Variants in BMPER observed in about 807,000 individuals in gnomAD.
BMPER encodes BMP-binding endothelial regulator protein.
BMPER carries 45 observed loss-of-function variants against 87.3 expected under a neutral mutation model. That is an observed-to-expected ratio of 0.52 (90% CI 0.41 to 0.66). BMPER has a LOEUF of 0.66. Ranked by LOEUF, BMPER falls within the 30% of genes least tolerant of loss-of-function variation. The pLI is 0.00. For missense variants in BMPER, 784 were observed against 867.5 expected (o/e 0.90, Z 1.21); for synonymous variants, 326 against 316.2 (o/e 1.03, Z -0.33).
At position 34,104,263 on chromosome 7, in the gene BMPER, A is replaced by G. The variant is rs17169646; in HGVS notation, c.1745+18171A>G. ...TTATGCACTAATTCCATTTGGCCTT[A>G]GATATACTACCGTGATTCCTCTCTA... On this transcript the variant is annotated intron_variant, in intron 13 of 14. Transcript: ENST00000649409. Among the ~76,000 whole-genome samples, 490 of 152,232 alleles carry G rather than the reference A, an allele frequency of 3.2e-3. 2 individuals carry two copies. Among genetic ancestry groups the G allele is most frequent in the African/African-American group, 0.011 (467 of 41,538 alleles).
intron 3 of BMPER, among the ~76,000 whole-genome samples, chr7:33,949,069 G>A (rs977329681): frequency 1.3e-5 from 2 of 152,188 alleles, no homozygotes; most frequent in African/African-American, 4.8e-5. Context: ...GAGGCTTTTG[G>A]AGGTGACTGA....
At chr7:34,081,872 C>T (rs1198799734) in intron 12 of BMPER, among the ~76,000 whole-genome samples, 1 of 152,150 alleles carries the variant, frequency 6.6e-6, no homozygotes, top group Non-Finnish European at 1.5e-5. Context: ...TTTTGCACCT[C>T]CTCTCTCCTT....
At chr7:34,108,138 T>C (rs1789870992) in intron 13 of BMPER, among the ~76,000 whole-genome samples, 1 of 152,208 alleles carries the variant, frequency 6.6e-6, no homozygotes, top group Non-Finnish European at 1.5e-5. Context: ...TTAATACCAG[T>C]GAGAGGCCTG....
At chr7:34,146,270 C>A (rs973793671) in intron 14 of BMPER, among the ~76,000 whole-genome samples, 3 of 152,092 alleles carry the variant, frequency 2.0e-5, no homozygotes, top group African/African-American at 7.2e-5. Flanking sequence ...AAGGAGAAAT[C>A]TTCCAGAGCA....
intron 13 of BMPER, among the ~76,000 whole-genome samples, chr7:34,097,594 G>A (rs996970240): frequency 2.6e-5 from 4 of 152,148 alleles, no homozygotes; most frequent in Non-Finnish European, 5.9e-5. Context: ...ATCACCTACA[G>A]AGCTGATTCA....
intron 6 of BMPER, among the ~76,000 whole-genome samples, chr7:34,024,102 T>A (rs1787273851): frequency 6.6e-6 from 1 of 151,766 alleles, no homozygotes; most frequent in South Asian, 2.1e-4. Context: ...AATGGGTTTT[T>A]ATTTTTTCAG....
chr7:33,937,661 G>A (rs778840794), intron 3 of BMPER: 1 of 462,812 alleles, frequency 2.2e-6, no homozygotes, highest in Non-Finnish European at 4.0e-6. Context: ...TTGTTAAAAT[G>A]TCGTAGAGAA....
chr7:33,986,847 T>C (rs1786024421), intron 6 of BMPER, among the ~76,000 whole-genome samples: 1 of 152,206 alleles, frequency 6.6e-6, no homozygotes, highest in Admixed American at 6.5e-5. Context: ...GATCTTTTTG[T>C]CCATTATTAG....
chr7:33,988,101 A>G (rs1786062829), intron 6 of BMPER, among the ~76,000 whole-genome samples: 1 of 152,204 alleles, frequency 6.6e-6, no homozygotes, highest in African/African-American at 2.4e-5. Context: ...TCATACTGAT[A>G]TATATCTTAA....
chr7:34,013,346 A>G (rs1786932125), intron 6 of BMPER, among the ~76,000 whole-genome samples: 1 of 151,668 alleles, frequency 6.6e-6, no homozygotes. Context: ...TCTTGAATCT[A>G]TGGCTCCTCA....
chr7:34,029,984 T>A (rs1283704903), intron 6 of BMPER, among the ~76,000 whole-genome samples: 1 of 152,120 alleles, frequency 6.6e-6, no homozygotes, highest in Non-Finnish European at 1.5e-5. Context: ...TGTTGAAACC[T>A]AGAATTCTTT....
intron 13 of BMPER, among the ~76,000 whole-genome samples, chr7:34,090,756 C>A (rs1313261776): frequency 6.6e-6 from 1 of 152,216 alleles, no homozygotes; most frequent in African/African-American, 2.4e-5. Flanking sequence ...GGCAGGACTG[C>A]ATTTCAGAGA....
intron 3 of BMPER, among the ~76,000 whole-genome samples, chr7:33,954,941 A>G (rs1785114955): frequency 6.6e-6 from 1 of 152,152 alleles, no homozygotes; most frequent in African/African-American, 2.4e-5. Flanking sequence ...CTTGTTGCAC[A>G]GGCTAGAGTG....
intron 6 of BMPER, 74 bp downstream of exon 6, chr7:33,974,858 G>A (rs528740798): frequency 5.6e-5 from 78 of 1,399,588 alleles, no homozygotes; most frequent in Admixed American, 1.2e-4. Context: ...GAGCACCCCC[G>A]GTCTCTACAG....
Position 34,153,080 on chromosome 7 carries a change from T to C in BMPER, c.1877-12T>C, listed in dbSNP as rs1791221798. On this transcript the variant is annotated splice_polypyrimidine_tract_variant and intron_variant, in intron 14 of 14. Transcript: ENST00000649409. Reference sequence around the variant, plus strand: ...TCTCCATGTTATGCCTTTGTCTCCTTCTCTTTTTCAGCCACCCAGTGTAAG... The same window carrying C: ...TCTCCATGTTATGCCTTTGTCTCCTCCTCTTTTTCAGCCACCCAGTGTAAG... 4.3e-6 allele frequency: 7 copies of C among 1,613,946 alleles called. No individual in the cohort carries two copies. The highest frequency in any genetic ancestry group is 5.9e-6 in the Non-Finnish European group (7 of 1,179,868).
At chr7:33,966,650 A>G (rs1585686169) in intron 4 of BMPER, 89 bp downstream of exon 4, 9 of 1,254,340 alleles carry the variant, frequency 7.2e-6, no homozygotes, top group South Asian at 4.9e-5. Flanking sequence ...ACAAAACCCT[A>G]AAAAGGCCAA....
At chr7:34,137,529 T>A (rs966756903) in intron 13 of BMPER, among the ~76,000 whole-genome samples, 1 of 152,156 alleles carries the variant, frequency 6.6e-6, no homozygotes, top group African/African-American at 2.4e-5. Context: ...ACAGTCCTTG[T>A]CCCCCGGAAA....
chr7:34,079,222 C>G (rs767954455), intron 12 of BMPER, 36 bp downstream of exon 12: 3 of 1,611,070 alleles, frequency 1.9e-6, no homozygotes, highest in East Asian at 4.5e-5. Flanking sequence ...GCTCTAGCCT[C>G]CGCCTCACTT....
rs76898824 is a variant in BMPER at position 33,999,905 on chromosome 7, G to C, written c.576+25121G>C. On this transcript the variant is annotated intron_variant, in intron 6 of 14. Transcript: ENST00000649409. ...TCTCCCCATTCTCAGAACTTAAAAG[G>C]CCACTACGCTCAGAAATGAAGTGGA... Among the ~76,000 whole-genome samples, 27 of 152,210 alleles carry C rather than the reference G, an allele frequency of 1.8e-4. No homozygotes were observed. The East Asian group carries it at 5.2e-3, about 29-fold the overall frequency.
Sources: allele counts gnomAD v4.1 joint callset (sites outside exome capture counted in the v4.1 genomes callset), GRCh38; gene constraint gnomAD v4.1.1; transcripts MANE v1.5; gene names NCBI Gene and HGNC (gene_info 2026-07-23, HGNC 2026-07-21).